NXPE2: variants seen among roughly 807,000 people sequenced by gnomAD.
The protein encoded by NXPE2 is neurexophilin and PC-esterase domain family member 2.
A neutral mutation model predicts 34.4 loss-of-function variants in NXPE2; 34 were observed. That is an observed-to-expected ratio of 0.99 (90% CI 0.75 to 1.31). The LOEUF is 1.31. Among genes scored for constraint, NXPE2 ranks in the 40% most tolerant of loss-of-function variants. The probability of loss-of-function intolerance (pLI) is 0.00; values close to 1 mark genes in which losing one functional copy is unlikely to be tolerated. For synonymous variants in NXPE2, 235 were observed against 231.3 expected (o/e 1.02, Z -0.15); for missense variants, 649 against 672.5 (o/e 0.97, Z 0.39).
chr11:114,683,317 G>A (rs985879627), intron 2 of NXPE2, among the ~76,000 whole-genome samples: 1 of 151,518 alleles, frequency 6.6e-6, no homozygotes, highest in Non-Finnish European at 1.5e-5. Flanking sequence ...ATTATTTTTT[G>A]TAATAGTACT....
chr11:114,490,976 C>A, the NXPE2 span, among the ~76,000 whole-genome samples: 1 of 150,430 alleles, frequency 6.6e-6, no homozygotes, highest in African/African-American at 2.5e-5. Flanking sequence ...TCCTGGCTAA[C>A]AAGGTGAAAC....
the NXPE2 span, among the ~76,000 whole-genome samples, chr11:114,475,286 C>CTAGCAGT: frequency 6.9e-5 from 9 of 130,818 alleles, no homozygotes; most frequent in African/African-American, 2.7e-4. Context: ...CTCTGTCGCC[C>CTAGCAGT]AGGCTAGAGT....
the NXPE2 span, among the ~76,000 whole-genome samples, chr11:114,628,539 A>G: frequency 1.3e-5 from 2 of 151,618 alleles, no homozygotes; most frequent in African/African-American, 2.4e-5. Context: ...AGGGAAATTT[A>G]TAGCACTAAA....
the NXPE2 span, among the ~76,000 whole-genome samples, chr11:114,520,565 G>A: frequency 1.3e-5 from 2 of 152,140 alleles, no homozygotes; most frequent in Admixed American, 1.3e-4. Flanking sequence ...GAATAATGCT[G>A]CAGTGAGCAT....
At chr11:114,467,909 C>T in the NXPE2 span, among the ~76,000 whole-genome samples, 1 of 151,850 alleles carries the variant, frequency 6.6e-6, no homozygotes, top group African/African-American at 2.4e-5. Flanking sequence ...GCATTCCAGC[C>T]TGGGTGAGAG....
At chr11:114,591,316 TG>T in the NXPE2 span, among the ~76,000 whole-genome samples, 1 of 152,218 alleles carries the variant, frequency 6.6e-6, no homozygotes, top group Non-Finnish European at 1.5e-5. Context: ...TGCTACCATT[TG>T]GAAGGAAAGA....
the NXPE2 span, among the ~76,000 whole-genome samples, chr11:114,587,466 A>G: frequency 1.3e-5 from 2 of 152,240 alleles, no homozygotes; most frequent in Non-Finnish European, 2.9e-5. Flanking sequence ...GTCTCTCTCA[A>G]GATCCATCTA....
the NXPE2 span, among the ~76,000 whole-genome samples, chr11:114,668,739 G>T: frequency 6.6e-6 from 1 of 152,072 alleles, no homozygotes; most frequent in African/African-American, 2.4e-5. Context: ...TTAATCTTTA[G>T]TGAATATTGT....
the NXPE2 span, chr11:114,513,008 G>T: frequency 2.7e-6 from 1 of 374,380 alleles, no homozygotes; most frequent in East Asian, 6.8e-5. Flanking sequence ...TCACTGGGGT[G>T]GGTGAGCAGC....
the NXPE2 span, among the ~76,000 whole-genome samples, chr11:114,516,424 G>A: frequency 4.6e-5 from 7 of 152,144 alleles, no homozygotes; most frequent in Non-Finnish European, 1.0e-4. Context: ...TATAGATACA[G>A]TGATGGAGTA....
chr11:114,626,324 G>T, the NXPE2 span, among the ~76,000 whole-genome samples: 4 of 152,348 alleles, frequency 2.6e-5, no homozygotes, highest in African/African-American at 9.6e-5. Context: ...CACAGCTGGA[G>T]ATCTGAGAAT....
At chr11:114,641,189 T>C in the NXPE2 span, among the ~76,000 whole-genome samples, 1 of 151,756 alleles carries the variant, frequency 6.6e-6, no homozygotes, top group African/African-American at 2.4e-5. Flanking sequence ...CTCCCAGAAA[T>C]AATCAAGAAG....
the NXPE2 span, among the ~76,000 whole-genome samples, chr11:114,602,354 T>A: frequency 1.4e-4 from 18 of 126,836 alleles, no homozygotes; most frequent in East Asian, 3.6e-3. Flanking sequence ...ACATATACTA[T>A]ATATAATATG....
At chr11:114,733,092 T>G in the NXPE2 span, among the ~76,000 whole-genome samples, 4 of 152,036 alleles carry the variant, frequency 2.6e-5, no homozygotes, top group African/African-American at 4.8e-5. Flanking sequence ...ATATTGGGTT[T>G]TTTGTTTGTT....
the NXPE2 span, among the ~76,000 whole-genome samples, chr11:114,514,167 A>T: frequency 1.3e-5 from 2 of 152,088 alleles, no homozygotes; most frequent in East Asian, 3.9e-4. Context: ...TTTTCATTTC[A>T]CTACATACTG....
At chr11:114,564,598 G>T in the NXPE2 span, among the ~76,000 whole-genome samples, 1 of 152,030 alleles carries the variant, frequency 6.6e-6, no homozygotes, top group Admixed American at 6.6e-5. Context: ...GCACAGAGAG[G>T]GGGTGGTTGA....
chr11:114,657,175 C>T, the NXPE2 span, among the ~76,000 whole-genome samples: 1 of 152,154 alleles, frequency 6.6e-6, no homozygotes, highest in South Asian at 2.1e-4. Flanking sequence ...TTTTCAGATG[C>T]TAGGACCTCC....
chr11:114,492,373 T>TAA, the NXPE2 span, among the ~76,000 whole-genome samples: 3 of 152,108 alleles, frequency 2.0e-5, no homozygotes, highest in African/African-American at 7.2e-5. Context: ...ATTTCAGTTT[T>TAA]AAAAAAGTCT....
At chr11:114,765,596 G>T in the NXPE2 span, among the ~76,000 whole-genome samples, 2 of 152,112 alleles carry the variant, frequency 1.3e-5, no homozygotes, top group African/African-American at 4.8e-5. Flanking sequence ...CAATATCTCT[G>T]AGGTATACCT....
Sources: gnomAD v4.1 joint callset for allele counts (sites outside exome capture counted in the v4.1 genomes callset) on GRCh38, gnomAD v4.1.1 for gene constraint, MANE v1.5 for transcripts, NCBI Gene and HGNC (gene_info 2026-07-23, HGNC 2026-07-21) for gene names.